The following BAZ2B variants were observed in gnomAD, a reference collection of about 807,000 sequenced individuals.
BAZ2B encodes bromodomain adjacent to zinc finger domain 2B, also known as bromodomain adjacent to zinc finger domain protein 2B.
A neutral mutation model predicts 246.0 loss-of-function variants in BAZ2B; 91 were observed. The observed-to-expected ratio is 0.37, with a 90% confidence interval of 0.31 to 0.44. BAZ2B has a LOEUF of 0.44. BAZ2B is among the 20% of genes least tolerant of loss of function. The pLI is 1.00. For missense variants in BAZ2B, 2,332 were observed against 2,533.7 expected, an observed-to-expected ratio of 0.92 and a Z score of 1.71; for synonymous variants, 855 against 860.0, an observed-to-expected ratio of 0.99 and a Z score of 0.10.
At chr2:159,611,371 TA>T (rs1258634380) in intron 1 of BAZ2B, among the ~76,000 whole-genome samples, 2 of 151,960 alleles carry the variant, frequency 1.3e-5, no homozygotes, top group African/African-American at 2.4e-5. Context: ...ATACATTTCT[TA>T]AATATTGAGT....
intron 21 of BAZ2B, among the ~76,000 whole-genome samples, chr2:159,387,166 A>G (rs755320557): frequency 1.1e-4 from 16 of 152,158 alleles, no homozygotes; most frequent in Non-Finnish European, 2.2e-4. Flanking sequence ...CTAGGTCCAC[A>G]TAACTAGAAT....
chr2:159,332,908 T>C (rs2065016104), intron 33 of BAZ2B: 1 of 507,586 alleles, frequency 2.0e-6, no homozygotes, highest in East Asian at 3.4e-5. Flanking sequence ...TCAAGTACAC[T>C]GCAAAGAACA....
At chr2:159,528,498 C>T (rs1354609746) in intron 2 of BAZ2B, among the ~76,000 whole-genome samples, 2 of 152,036 alleles carry the variant, frequency 1.3e-5, no homozygotes, top group Non-Finnish European at 2.9e-5. Flanking sequence ...GCCTGGCCAA[C>T]ATGGTGAAAC....
In BAZ2B at chr2:159,452,906, C is replaced by A. The variant is rs141772396; in HGVS notation, c.334+707G>T. On this transcript the variant is annotated intron_variant, in intron 4 of 36. Transcript: ENST00000392783. ...CTTGAGGTCAGGAGTTCAAGACCAG[C>A]CTGGCCAACATGGCGAAACCCCGTC... Among the ~76,000 whole-genome samples the A allele has an allele frequency of 2.4e-3, 358 of 152,216 alleles. 4 individuals carry two copies. In the East Asian group the frequency reaches 0.04, roughly 17 times the overall value.
chr2:159,464,555 G>A (rs2076811187), intron 3 of BAZ2B: 1 of 152,140 alleles, frequency 6.6e-6, no homozygotes, highest in Non-Finnish European at 1.5e-5. Context: ...ACTCGCCACT[G>A]TAAAACTACC....
chr2:159,446,661 T>C (rs2074295214), intron 6 of BAZ2B, 121 bp downstream of exon 6: 7 of 848,694 alleles, frequency 8.2e-6, no homozygotes, highest in Non-Finnish European at 1.3e-5. Flanking sequence ...ATCACGTATC[T>C]ATAAAAATAA....
At chr2:159,561,714 T>TA (rs2089897498) in intron 1 of BAZ2B, among the ~76,000 whole-genome samples, 1 of 152,260 alleles carries the variant, frequency 6.6e-6, no homozygotes. Context: ...ATGGTGTTCC[T>TA]AAATATTTGA....
At chr2:159,700,177 A>G in the BAZ2B span, among the ~76,000 whole-genome samples, 4 of 152,206 alleles carry the variant, frequency 2.6e-5, no homozygotes, top group Non-Finnish European at 5.9e-5. Flanking sequence ...TTAGAATTTA[A>G]TAGCAGACTT....
chr2:159,577,832 A>C (rs2151610838), intron 1 of BAZ2B, among the ~76,000 whole-genome samples: 1 of 152,324 alleles, frequency 6.6e-6, no homozygotes, highest in South Asian at 2.1e-4. Context: ...TACTAAACAC[A>C]CTGAAACTTA....
At chr2:159,524,323 T>A (rs1319003864) in intron 2 of BAZ2B, among the ~76,000 whole-genome samples, 1 of 152,014 alleles carries the variant, frequency 6.6e-6, no homozygotes, top group East Asian at 1.9e-4. Context: ...GGCATGGTGG[T>A]GCGCGCCTGT....
At chr2:159,453,871 T>G (rs1200720120) in intron 3 of BAZ2B, 70 bp from the exon 4 acceptor site, 1 of 1,265,232 alleles carries the variant, frequency 7.9e-7, no homozygotes, top group African/African-American at 1.5e-5. Context: ...ATTTCAGTGT[T>G]TATAGTTAAA....
chr2:159,404,467 A>G (rs1349612629), intron 16 of BAZ2B: 1 of 155,864 alleles, frequency 6.4e-6, no homozygotes, highest in Non-Finnish European at 1.4e-5. Context: ...CTTGAATTTA[A>G]TTTTCTACTA....
chr2:159,500,593 C>T (rs537505429), intron 2 of BAZ2B, among the ~76,000 whole-genome samples: 1 of 152,232 alleles, frequency 6.6e-6, no homozygotes, highest in South Asian at 2.1e-4. Context: ...AAATAAATTC[C>T]TTCATAGTAC....
chr2:159,508,916 C>T (rs189128210), intron 2 of BAZ2B, among the ~76,000 whole-genome samples: 2 of 152,188 alleles, frequency 1.3e-5, no homozygotes, highest in Admixed American at 6.5e-5. Flanking sequence ...GTAATTAGGT[C>T]AAAGTTTCCC....
intron 2 of BAZ2B, among the ~76,000 whole-genome samples, chr2:159,480,654 T>A (rs896099314): frequency 3.9e-5 from 6 of 152,030 alleles, no homozygotes; most frequent in African/African-American, 1.4e-4. Flanking sequence ...TTTGCTACAG[T>A]ACTGCTTAAA....
intron 35 of BAZ2B, 95 bp downstream of exon 35, chr2:159,325,558 A>G: frequency 7.5e-7 from 1 of 1,329,244 alleles, no homozygotes. Flanking sequence ...TATTTACATA[A>G]ATTATCAGAA....
intron 27 of BAZ2B, among the ~76,000 whole-genome samples, chr2:159,368,072 C>T (rs11687704): frequency 0.66 from 100,802 of 152,064 alleles, 35,628 homozygotes; most frequent in Non-Finnish European, 0.81. Context: ...TGTCTTCATA[C>T]GTGCTGTATC....
At chr2:159,615,535 A>G (rs1484459296) in intron 1 of BAZ2B, 1 of 151,842 alleles carries the variant, frequency 6.6e-6, no homozygotes, top group Non-Finnish European at 1.5e-5. Flanking sequence ...CCAGCTACAC[A>G]CGGGAGAGCT....
chr2:159,486,483 T>A (rs907697301), intron 2 of BAZ2B, among the ~76,000 whole-genome samples: 1 of 151,870 alleles, frequency 6.6e-6, no homozygotes, highest in Non-Finnish European at 1.5e-5. Context: ...TCCCTTTTAA[T>A]AGGAAAGATG....
Sources: gnomAD v4.1 joint callset for allele counts (sites outside exome capture counted in the v4.1 genomes callset) on GRCh38, gnomAD v4.1.1 for gene constraint, MANE v1.5 for transcripts, NCBI Gene and HGNC (gene_info 2026-07-23, HGNC 2026-07-21) for gene names.